EPB41L3: variants seen among roughly 807,000 people sequenced by gnomAD.
EPB41L3 encodes the protein band 4.1-like protein 3.
In EPB41L3, 57 loss-of-function variants were observed where a neutral mutation model predicts 127.1. That is an observed-to-expected ratio of 0.45 (90% CI 0.36 to 0.56). The LOEUF is 0.56. Ranked by LOEUF, EPB41L3 falls within the 20% of genes least tolerant of loss-of-function variation. The pLI, the probability that EPB41L3 is intolerant of heterozygous loss-of-function variation, is 0.00. For synonymous variants in EPB41L3, 572 were observed against 549.5 expected, an observed-to-expected ratio of 1.04 and a Z score of -0.57; for missense variants, 1,273 against 1,372.2, an observed-to-expected ratio of 0.93 and a Z score of 1.14.
chr18:5,625,000 C>G (rs1241935397), intron 1 of EPB41L3, among the ~76,000 whole-genome samples: 1 of 152,062 alleles, frequency 6.6e-6, no homozygotes, highest in Non-Finnish European at 1.5e-5. Flanking sequence ...GAGCGAAAGA[C>G]AGAGAAATCA....
At chr18:5,484,232 G>T (rs886622173) in intron 2 of EPB41L3, among the ~76,000 whole-genome samples, 1 of 150,044 alleles carries the variant, frequency 6.7e-6, no homozygotes, top group Non-Finnish European at 1.5e-5. Flanking sequence ...TAAACAACAT[G>T]CCCTGAATGA....
At chr18:5,401,746 T>A (rs922734437) in intron 16 of EPB41L3, among the ~76,000 whole-genome samples, 20 of 152,294 alleles carry the variant, frequency 1.3e-4, no homozygotes, top group African/African-American at 4.6e-4. Flanking sequence ...TATTTCATGT[T>A]AGGAATTAGG....
chr18:5,415,532 G>A (rs1170399274), intron 13 of EPB41L3, among the ~76,000 whole-genome samples: 1 of 152,140 alleles, frequency 6.6e-6, no homozygotes, highest in Non-Finnish European at 1.5e-5. Flanking sequence ...TTACACAGCT[G>A]ACGGGTTATA....
At chr18:5,489,648 C>T (rs2090354797) in intron 1 of EPB41L3, among the ~76,000 whole-genome samples, 1 of 152,172 alleles carries the variant, frequency 6.6e-6, no homozygotes. Flanking sequence ...CCCTCCCAAC[C>T]CCCTGAATCT....
At chr18:5,474,178 C>A (rs1359430267) in intron 3 of EPB41L3, among the ~76,000 whole-genome samples, 1 of 151,684 alleles carries the variant, frequency 6.6e-6, no homozygotes, top group African/African-American at 2.4e-5. Context: ...TTGCAGTGAG[C>A]CGAGATCGCG....
At chr18:5,564,362 C>T (rs555202054) in intron 3 of EPB41L3, among the ~76,000 whole-genome samples, 7 of 151,728 alleles carry the variant, frequency 4.6e-5, no homozygotes, top group Non-Finnish European at 1.0e-4. Flanking sequence ...ATGTTAGAGA[C>T]GAGGAAATAG....
chr18:5,398,315 A>T, intron 16 of EPB41L3, 172 bp from the exon 17 acceptor site: 1 of 752,824 alleles, frequency 1.3e-6, no homozygotes, highest in Non-Finnish European at 2.2e-6. Flanking sequence ...ATAGAAAACC[A>T]GGTGCTCTTG....
At chr18:5,447,847 C>T (rs1046566136) in intron 3 of EPB41L3, among the ~76,000 whole-genome samples, 1 of 152,154 alleles carries the variant, frequency 6.6e-6, no homozygotes, top group African/African-American at 2.4e-5. Context: ...CTTAAATAGA[C>T]CAGATCTTTT....
At chr18:5,542,552 A>T (rs2093762125) in intron 1 of EPB41L3, among the ~76,000 whole-genome samples, 1 of 151,912 alleles carries the variant, frequency 6.6e-6, no homozygotes, top group African/African-American at 2.4e-5. Context: ...AAGCTGAAAC[A>T]ACTTAAACAC....
intron 1 of EPB41L3, among the ~76,000 whole-genome samples, chr18:5,510,419 T>C (rs2092452318): frequency 6.6e-6 from 1 of 152,156 alleles, no homozygotes; most frequent in Non-Finnish European, 1.5e-5. Context: ...CTAATAGCCC[T>C]ATGATCTCAG....
intron 1 of EPB41L3, among the ~76,000 whole-genome samples, chr18:5,496,685 G>A (rs2091211335): frequency 6.6e-6 from 1 of 152,232 alleles, no homozygotes; most frequent in Non-Finnish European, 1.5e-5. Flanking sequence ...TATTTTAAAG[G>A]AAAGTGTACA....
chr18:5,579,278 G>A (rs1400577170), intron 3 of EPB41L3, among the ~76,000 whole-genome samples: 1 of 152,168 alleles, frequency 6.6e-6, no homozygotes, highest in Non-Finnish European at 1.5e-5. Context: ...TGCTGTCTCT[G>A]TTAGGTGGAG....
intron 1 of EPB41L3, among the ~76,000 whole-genome samples, chr18:5,491,059 C>T (rs1467958070): frequency 6.6e-6 from 1 of 152,188 alleles, no homozygotes; most frequent in Admixed American, 6.5e-5. Context: ...TGCCTCTGCA[C>T]CCAGCCTGAG....
chr18:5,394,078 G>A (rs4441366), intron 22 of EPB41L3: 8,512 of 153,110 alleles, frequency 0.056, 319 homozygotes, highest in African/African-American at 0.11. Flanking sequence ...ACAGTGCTAC[G>A]CTAGGGAGAA....
Position 5,478,234 on chromosome 18 carries a change from C to G in EPB41L3, c.381+7G>C. On this transcript the variant is annotated splice_region_variant and intron_variant, in intron 3 of 22. Transcript: ENST00000341928. ...TAGGACAGAAAAGTCTTAAGACACA[C>G]ACTTACCTCTACATCACAGGTATAT... 4 of 1,613,036 alleles carry G rather than the reference C, an allele frequency of 2.5e-6. No homozygotes were observed. The highest frequency in any genetic ancestry group is 3.4e-6 in the Non-Finnish European group (4 of 1,179,064).
At chr18:5,572,690 C>T (rs1396210617) in intron 3 of EPB41L3, among the ~76,000 whole-genome samples, 1 of 152,140 alleles carries the variant, frequency 6.6e-6, no homozygotes, top group African/African-American at 2.4e-5. Flanking sequence ...CCTCCTGCCT[C>T]AGTATCCCAA....
intron 14 of EPB41L3, among the ~76,000 whole-genome samples, chr18:5,410,252 G>A (rs2076032195): frequency 6.6e-6 from 1 of 151,340 alleles, no homozygotes; most frequent in African/African-American, 2.4e-5. Context: ...GTCTAGGCAA[G>A]TGGTTCTCAA....
At chr18:5,455,746 C>T (rs1440009581) in intron 3 of EPB41L3, among the ~76,000 whole-genome samples, 1 of 150,676 alleles carries the variant, frequency 6.6e-6, no homozygotes, top group Non-Finnish European at 1.5e-5. Context: ...CACGCTTCTT[C>T]TTGGCTAGCA....
intron 1 of EPB41L3, among the ~76,000 whole-genome samples, chr18:5,624,490 C>T (rs746085532): frequency 3.0e-4 from 46 of 152,168 alleles, no homozygotes; most frequent in Non-Finnish European, 6.5e-4. Context: ...TTCCAGCTAC[C>T]AAGGCATAAA....
Sources: allele counts gnomAD v4.1 joint callset (sites outside exome capture counted in the v4.1 genomes callset), GRCh38; gene constraint gnomAD v4.1.1; transcripts MANE v1.5; gene names NCBI Gene and HGNC (gene_info 2026-07-23, HGNC 2026-07-21).